FHOD1: variants seen among roughly 807,000 people sequenced by gnomAD.
FHOD1 encodes FH1/FH2 domain-containing protein 1.
A neutral mutation model predicts 111.6 loss-of-function variants in FHOD1; 89 were observed. The ratio of observed to expected loss-of-function variants is 0.80; its 90% CI spans 0.67 to 0.95. FHOD1 has a LOEUF of 0.95. Ranked by LOEUF, FHOD1 falls within the 40% of genes least tolerant of loss-of-function variation. The pLI is 0.00. For missense variants in FHOD1, 1,446 were observed against 1,554.2 expected, an observed-to-expected ratio of 0.93 and a Z score of 1.17; for synonymous variants, 618 against 639.0, an observed-to-expected ratio of 0.97 and a Z score of 0.50.
chr16:67,242,037 T>G (rs1026467541), intron 1 of FHOD1, among the ~76,000 whole-genome samples: 1 of 152,102 alleles, frequency 6.6e-6, no homozygotes, highest in African/African-American at 2.4e-5. Flanking sequence ...GGCACAGTCT[T>G]GGCTCACTGC....
intron 1 of FHOD1, among the ~76,000 whole-genome samples, chr16:67,240,943 C>T (rs1232204364): frequency 2.0e-5 from 3 of 152,170 alleles, no homozygotes; most frequent in Admixed American, 6.5e-5. Flanking sequence ...TTTGGTCAGC[C>T]CTGCCCTCTT....
intron 11 of FHOD1, 177 bp from the exon 12 acceptor site, chr16:67,234,649 C>T (rs2034416657): frequency 1.4e-5 from 8 of 571,860 alleles, no homozygotes; most frequent in Admixed American, 2.9e-5. Context: ...CTCTTCAGTC[C>T]TCCACATCTG....
At position 67,230,522 on chromosome 16, in the gene FHOD1, TAGGG is replaced by T; in HGVS notation, c.2859-20_2859-17del. On this transcript the variant is annotated splice_polypyrimidine_tract_variant and intron_variant, in intron 18 of 21. Transcript: ENST00000258201. ...GGCATGGAACCTAGGCAGGTCAGAG[TAGGG>T]AGGGACAGTAAGTCCTGCTTATTGT... 1 of 1,613,698 alleles carries T rather than the reference TAGGG, an allele frequency of 6.2e-7. No homozygotes were observed.
rs752112353 is a variant in FHOD1, at chr16:67,230,367, T to TCTG, written c.2995_2997dup (p.Gln999dup). The TCTG allele has an allele frequency of 6.2e-7, 1 of 1,614,226 alleles. No individual in the cohort carries two copies. Among genetic ancestry groups the TCTG allele is most frequent in the Non-Finnish European group, 8.5e-7 (1 of 1,180,034 alleles). ...TTGCGCTCACGGTATGTGGCCTGCTTCTGCTGCTGCTGTAGCACTCGTTCC... is the reference window on the plus strand; with the variant it reads ...TTGCGCTCACGGTATGTGGCCTGCTTCTGCTGCTGCTGCTGTAGCACTCGTTCC... On this transcript the variant is annotated inframe_insertion, in exon 19 of 22. Transcript: ENST00000258201.
intron 11 of FHOD1, 113 bp downstream of exon 11, chr16:67,236,444 G>C (rs1272383859): frequency 1.1e-5 from 16 of 1,515,014 alleles, no homozygotes; most frequent in Middle Eastern, 2.1e-4. Flanking sequence ...TCTGGAAAGA[G>C]AGAGAGAGAA....
intron 13 of FHOD1, 132 bp downstream of exon 13, chr16:67,233,525 C>T: frequency 7.6e-7 from 1 of 1,311,114 alleles, no homozygotes; most frequent in Non-Finnish European, 1.0e-6. Context: ...AGACCTTGGA[C>T]AATTTCCTAC....
At position 67,234,422 on chromosome 16, in the gene FHOD1, G is replaced by A. The variant is rs761027309; in HGVS notation, c.1370C>T (p.Ala457Val). The change falls in exon 12 of 22, where the codon GCG becomes GTG. Residue 457 changes from alanine (A) to valine (V), a missense_variant. Coordinates refer to ENST00000258201, the MANE Select transcript of FHOD1 (RefSeq NM_013241.3). ...VAAAETEKQVALAQGRAETLA... is the reference protein window; with the variant it reads ...VAAAETEKQVVLAQGRAETLA... ...TGTCTCTGCCCGGCCCTGGGCCAGC[G>A]CAACCTGCTTCTCTGTTTCTGCTGC... is the stretch of plus-strand genomic sequence containing the variant. The A allele has an allele frequency of 1.6e-5, 25 of 1,608,206 alleles. No individual in the cohort carries two copies. In the East Asian group the frequency reaches 2.0e-4, roughly 13 times the overall value.
At chr16:67,236,469 C>T (rs753499641) in intron 11 of FHOD1, 88 bp downstream of exon 11, 5 of 1,550,910 alleles carry the variant, frequency 3.2e-6, no homozygotes, top group Middle Eastern at 1.8e-4. Context: ...CGCGTTTGGG[C>T]AGAGGAGGCT....
rs146871611 is a variant in FHOD1 at position 67,236,440 on chromosome 16, AAG to A, written c.1319+115_1319+116del. 1.3e-4 allele frequency: 196 copies of A among 1,504,352 alleles called. No homozygotes were observed. The East Asian group carries it at 1.4e-3, about 11-fold the overall frequency. 93.2% of individuals were successfully genotyped at this position (1,504,352 alleles called of 1,614,324 possible). A position where few individuals can be genotyped will look rare whatever the true frequency, so the allele number is the denominator to read the frequency against. ...CGGAAGCAGTTTGGTGAAGTCTGGA[AAG>A]AGAGAGAGAGAAAGCACGCGTTTGG... On this transcript the variant is annotated intron_variant, in intron 11 of 21. Coordinates refer to ENST00000258201, the MANE Select transcript of FHOD1 (RefSeq NM_013241.3).
chr16:67,235,255 T>C (rs989939351), intron 11 of FHOD1, among the ~76,000 whole-genome samples: 1 of 152,092 alleles, frequency 6.6e-6, no homozygotes, highest in African/African-American at 2.4e-5. Context: ...ACAGGCCAGG[T>C]GCGGTGGCTC....
In FHOD1 at chr16:67,231,827, T is replaced by C; in HGVS notation, c.2203-8A>G. On this transcript the variant is annotated splice_region_variant and splice_polypyrimidine_tract_variant and intron_variant, in intron 14 of 21. Coordinates refer to ENST00000258201, the MANE Select transcript of FHOD1 (RefSeq NM_013241.3). The surrounding 1 kb of genome is among the most constrained non-coding windows in gnomAD (Gnocchi z 4.3). ...CATCATGGTCAGTAGCTTCTGAGGATGTAGCCAGAGCCTGACATGGCCCCC... is the reference window on the plus strand; with the variant it reads ...CATCATGGTCAGTAGCTTCTGAGGACGTAGCCAGAGCCTGACATGGCCCCC... 1 of 1,612,912 alleles carries C rather than the reference T, an allele frequency of 6.2e-7. No individual in the cohort carries two copies. Among genetic ancestry groups the C allele is most frequent in the Non-Finnish European group, 8.5e-7 (1 of 1,179,310 alleles).
In FHOD1 at chr16:67,234,220, T is replaced by A; in HGVS notation, c.1483A>T (p.Thr495Ser). The change falls in exon 13 of 22, where the codon ACA becomes TCA. Residue 495 changes from threonine to serine, a missense_variant. Thr to Ser is a moderately conservative substitution (Grantham distance 58). Around this residue, in one of 3 missense-constraint regions of FHOD1, gnomAD observed 1,085 missense variants for 1,108.8 expected, o/e 0.98. Transcript: ENST00000258201. Reference sequence around the variant, plus strand: ...ACACAGGGGGCAGGGCTCTGGGGTGTTCTGGCTGCAGGGGCTGTCTCTGGG... The same window carrying A: ...ACACAGGGGGCAGGGCTCTGGGGTGATCTGGCTGCAGGGGCTGTCTCTGGG... ...DSPETAPAARTPQSPAPCVLL... is the reference protein window; with the variant it reads ...DSPETAPAARSPQSPAPCVLL... The A allele has an allele frequency of 6.5e-7, 1 of 1,547,100 alleles. No individual in the cohort carries two copies.
chr16:67,247,173 C>T (rs1466954691), intron 1 of FHOD1, 37 bp downstream of exon 1: 3 of 1,490,616 alleles, frequency 2.0e-6, no homozygotes, highest in East Asian at 5.0e-5. Flanking sequence ...CCACCCTGAA[C>T]CCCCGATCGC....
Position 67,234,350 on chromosome 16 carries a change from T to A in FHOD1, c.1435+7A>T, listed in dbSNP as rs769190232. On this transcript the variant is annotated splice_region_variant and intron_variant, in intron 12 of 21. Coordinates refer to ENST00000258201, the MANE Select transcript of FHOD1 (RefSeq NM_013241.3). Reference sequence around the variant, plus strand: ...GGCAGGCTCTGCCTGCTCACCCACCTACTCACCTGGGTGTCCACCCGCCTC... The same window carrying A: ...GGCAGGCTCTGCCTGCTCACCCACCAACTCACCTGGGTGTCCACCCGCCTC... The A allele has an allele frequency of 3.1e-6, 5 of 1,609,278 alleles. No homozygotes were observed. The South Asian group carries it at 4.4e-5, about 14-fold the overall frequency.
At chr16:67,232,932 T>C (rs2034334116) in intron 13 of FHOD1, among the ~76,000 whole-genome samples, 1 of 152,090 alleles carries the variant, frequency 6.6e-6, no homozygotes, top group Admixed American at 6.5e-5. Context: ...CATTTTCATA[T>C]TTTTAGTAGA....
rs868302613 is a variant in FHOD1 at position 67,232,043 on chromosome 16, A to G, written c.2198T>C (p.Ile733Thr). The G allele has an allele frequency of 1.3e-5, 21 of 1,614,024 alleles. No individual in the cohort carries two copies. The highest frequency in any genetic ancestry group is 1.6e-4 in the Middle Eastern group (1 of 6,080). The change falls in exon 14 of 22, where the codon ATT (isoleucine) becomes ACT (threonine). Residue 733 changes from isoleucine to threonine, a missense_variant. This residue lies in a region of FHOD1 where 1,085 missense variants were observed against 1,108.8 expected (regional missense o/e 0.98). Transcript: ENST00000258201. ...FDEFAVSKDG[I>T]EKLLTMMPTE... Reference sequence around the variant, plus strand: ...CCCATAGCTGGGTGACCTCACCTCAATGCCATCCTTGCTGACAGCAAACTC... The same window carrying G: ...CCCATAGCTGGGTGACCTCACCTCAGTGCCATCCTTGCTGACAGCAAACTC...
At position 67,247,275 on chromosome 16, in the gene FHOD1, C is replaced by T. The variant is rs957962312; in HGVS notation, c.136G>A (p.Asp46Asn). ...TGCGCGCCCAAGGGCAGCGCCCCGT[C>T]CAGGCTGCAGGTGGGGGCCCGGCGC... ...EPRRAPTCSL[D>N]GALPLGAQIP... The change falls in exon 1 of 22, where the codon GAC (aspartate) becomes AAC (asparagine). Residue 46 changes from aspartate to asparagine, a missense_variant. This residue lies in a region of FHOD1 where 127 missense variants were observed against 118.0 expected (regional missense o/e 1.08). Transcript: ENST00000258201. The T allele has an allele frequency of 1.2e-5, 19 of 1,612,402 alleles. No homozygotes were observed. The highest frequency in any genetic ancestry group is 1.5e-5 in the Non-Finnish European group (18 of 1,179,488).
chr16:67,244,678 G>T (rs2034762116), intron 1 of FHOD1, among the ~76,000 whole-genome samples: 1 of 152,152 alleles, frequency 6.6e-6, no homozygotes, highest in Admixed American at 6.5e-5. Context: ...CCAGGGAGGG[G>T]GGTCATCTGC....
rs764122704 is a variant in FHOD1, at chr16:67,231,614, G to C, written c.2385+23C>G. Reference sequence around the variant, plus strand: ...TGATGCTTACCTGTCCCTACTGACTGTCCCACTCCAAGACCCAGGTACCCG... The same window carrying C: ...TGATGCTTACCTGTCCCTACTGACTCTCCCACTCCAAGACCCAGGTACCCG... On this transcript the variant is annotated intron_variant, in intron 15 of 21. Coordinates refer to ENST00000258201, the MANE Select transcript of FHOD1 (RefSeq NM_013241.3). This position sits in a 1 kb window ranked among gnomAD's most constrained non-coding sequence, Gnocchi z 4.3. The C allele has an allele frequency of 3.7e-6, 6 of 1,614,072 alleles. No homozygotes were observed. The East Asian group carries it at 1.3e-4, about 36-fold the overall frequency.
Sources: allele counts gnomAD v4.1 joint callset (sites outside exome capture counted in the v4.1 genomes callset), GRCh38; gene constraint gnomAD v4.1.1; regional missense constraint gnomAD v4.1.1; non-coding constraint Gnocchi (gnomAD v3.1); transcripts MANE v1.5; gene names NCBI Gene and HGNC (gene_info 2026-07-23, HGNC 2026-07-21).